Variants in NOTCH3 observed in about 807,000 individuals in gnomAD.
NOTCH3 encodes notch receptor 3.
In NOTCH3, 86 loss-of-function variants were observed where a neutral mutation model predicts 213.3. The observed-to-expected ratio is 0.40, with a 90% CI of 0.34 to 0.48. The LOEUF (loss-of-function observed/expected upper bound fraction) is 0.48, where lower values mean the gene tolerates loss of function less well. NOTCH3 is among the 20% of genes least tolerant of loss of function. NOTCH3 has a pLI of 0.57. For synonymous variants in NOTCH3, 1,354 were observed against 1,355.9 expected, an observed-to-expected ratio of 1.00 and a Z score of 0.03; for missense variants, 2,783 against 3,272.6, an observed-to-expected ratio of 0.85 and a Z score of 3.65.
chr19:15,181,512 G>A (rs2046841157), intron 17 of NOTCH3, 64 bp downstream of exon 17: 7 of 1,384,506 alleles, frequency 5.1e-6, no homozygotes, highest in South Asian at 1.2e-5. Context: ...TCCCCACTTC[G>A]TCCCAGGTCC....
At chr19:15,167,155 T>A in intron 29 of NOTCH3, 94 bp downstream of exon 29, 1 of 1,360,914 alleles carries the variant, frequency 7.3e-7, no homozygotes, top group Non-Finnish European at 1.0e-6. Context: ...GCTTAGAGAC[T>A]CCCCCAGTTC....
intron 2 of NOTCH3, among the ~76,000 whole-genome samples, chr19:15,193,240 AT>A (rs926830773): frequency 6.7e-4 from 97 of 145,336 alleles, no homozygotes; most frequent in Middle Eastern, 3.6e-3. Flanking sequence ...TGCAGATGTA[AT>A]TTTTTTTTTT....
rs1299136100 is a variant in NOTCH3 at position 15,181,583 on chromosome 19, T to C, written c.2785A>G (p.Ser929Gly). 1 of 1,550,472 alleles carries C rather than the reference T, an allele frequency of 6.4e-7. No individual in the cohort carries two copies. The highest frequency in any genetic ancestry group is 1.2e-5 in the South Asian group (1 of 84,032). Residue 929 changes from serine to glycine, a missense_variant, in exon 17 of 33, where the codon AGC (serine) becomes GGC (glycine). Ser to Gly is a moderately conservative substitution (Grantham distance 56). Coordinates refer to ENST00000263388, the MANE Select transcript of NOTCH3 (RefSeq NM_000435.3). ...AGCAGAGGCCCCGCCCACCTGGGGC[T>C]GCAGTCGGGCAGGTCCTGTTCGCAG... Reference protein sequence around the residue: ...FHCEQDLPDCSPSSCFNGGTC... With the variant: ...FHCEQDLPDCGPSSCFNGGTC...
At chr19:15,162,073 C>A (rs868203253) in intron 32 of NOTCH3, among the ~76,000 whole-genome samples, 3 of 145,052 alleles carry the variant, frequency 2.1e-5, no homozygotes, top group Non-Finnish European at 3.0e-5. Context: ...CCTCAGCCTT[C>A]CGGGTTCAAG....
At chr19:15,174,438 G>C (rs867871641) in intron 24 of NOTCH3, 38 bp from the exon 25 acceptor site, 1 of 1,446,428 alleles carries the variant, frequency 6.9e-7, no homozygotes, top group Non-Finnish European at 9.3e-7. Context: ...GGCGGAGTCA[G>C]GGGTCAGAGG....
Position 15,165,551 on chromosome 19 carries a change from G to A in NOTCH3, c.5668-36C>T. ...GAGTGGATGCAGCAGGAGGGGTCAT[G>A]GCAGGAACAGAGGAATCAGGAGCAC... On this transcript the variant is annotated intron_variant, in intron 30 of 32. Transcript: ENST00000263388. This position sits in a 1 kb window ranked among gnomAD's most constrained non-coding sequence, Gnocchi z 4.7. 1.9e-6 allele frequency: 3 copies of A among 1,605,674 alleles called. No individual in the cohort carries two copies. Among genetic ancestry groups the A allele is most frequent in the Non-Finnish European group, 2.5e-6 (3 of 1,179,350 alleles).
Position 15,165,405 on chromosome 19 carries a change from G to A in NOTCH3, c.5778C>T (p.Ile1926=), listed in dbSNP as rs374919430. The A allele has an allele frequency of 1.6e-5, 26 of 1,610,144 alleles. No homozygotes were observed. The highest frequency in any genetic ancestry group is 6.7e-5 in the East Asian group (3 of 44,896). ...LAVEGMVEEL[I]ASHADVNAVD... Reference sequence around the variant, plus strand: ...CAGCATTGACATCAGCATGGCTGGCGATGAGCTCTTCCACCATGCCCTCTA... The same window carrying A: ...CAGCATTGACATCAGCATGGCTGGCAATGAGCTCTTCCACCATGCCCTCTA... Residue 1926 remains isoleucine (I), a synonymous_variant, in exon 31 of 33, where the codon ATC becomes ATT. Transcript: ENST00000263388. This position sits in a 1 kb window ranked among gnomAD's most constrained non-coding sequence, Gnocchi z 4.7.
chr19:15,180,928 C>A (rs1307340851), intron 18 of NOTCH3, 33 bp downstream of exon 18: 8 of 1,583,378 alleles, frequency 5.1e-6, no homozygotes, highest in Non-Finnish European at 6.9e-6. Context: ...CCCAGGCAGG[C>A]TCCTCCCCCA....
At chr19:15,196,989 T>C (rs768734133) in intron 2 of NOTCH3, among the ~76,000 whole-genome samples, 9 of 152,182 alleles carry the variant, frequency 5.9e-5, no homozygotes, top group Non-Finnish European at 1.2e-4. Flanking sequence ...ACAGGTGCAA[T>C]GATGATCAGA....
intron 1 of NOTCH3, 90 bp from the exon 2 acceptor site, chr19:15,197,668 C>A: frequency 8.9e-7 from 1 of 1,125,944 alleles, no homozygotes. Flanking sequence ...CTCCACCAGG[C>A]AACAGCTGCA....
chr19:15,162,385 GTC>G, intron 32 of NOTCH3, 78 bp downstream of exon 32: 1 of 938,022 alleles, frequency 1.1e-6, no homozygotes, highest in Non-Finnish European at 1.8e-6. Context: ...TTTTGAGAGA[GTC>G]TCACTCTGTT....
rs4809028 is a variant in NOTCH3 at position 15,162,420 on chromosome 19, A to G, written c.5913+45T>C. The G allele has an allele frequency of 0.89, 1,199,515 of 1,343,826 alleles. 537,008 individuals are homozygous for G. The highest frequency in any genetic ancestry group is 0.97 in the African/African-American group (67,955 of 69,814). 83.2% of individuals were successfully genotyped at this position (1,343,826 alleles called of 1,614,324 possible). On this transcript the variant is annotated intron_variant, in intron 32 of 32. Coordinates refer to ENST00000263388, the MANE Select transcript of NOTCH3 (RefSeq NM_000435.3). ...GTTGCCCAGGCTGGATTGCAATGGC[A>G]CTGTGCCACTGCTGACACCCAGTGG...
chr19:15,197,441 G>GCGGCCCCCCCCCCCCC, intron 2 of NOTCH3, 59 bp downstream of exon 2: 6 of 768,356 alleles, frequency 7.8e-6, no homozygotes, highest in Non-Finnish European at 1.4e-5. Flanking sequence ...AAGACAAATC[G>GCGGCCCCCCCCCCCCC]CCCCTCCCCC....
At chr19:15,174,021 C>G in intron 25 of NOTCH3, 47 bp downstream of exon 25, 2 of 1,448,500 alleles carry the variant, frequency 1.4e-6, no homozygotes, top group Non-Finnish European at 9.4e-7. Context: ...TCAACAGCAT[C>G]TCTCCTCTCC....
intron 8 of NOTCH3, among the ~76,000 whole-genome samples, chr19:15,188,565 C>T (rs564332872): frequency 6.6e-6 from 1 of 152,226 alleles, no homozygotes; most frequent in East Asian, 1.9e-4. Flanking sequence ...TCCGCAGAGG[C>T]CTTGCCTTCA....
Position 15,180,140 on chromosome 19 carries a change from G to A in NOTCH3, c.3259C>T (p.Pro1087Ser). The A allele has an allele frequency of 6.2e-7, 1 of 1,612,982 alleles. No homozygotes were observed. The highest frequency in any genetic ancestry group is 1.1e-5 in the South Asian group (1 of 91,036). Reference protein sequence around the residue: ...TGSHCEQEVDPCLAQPCQHGG... With the variant: ...TGSHCEQEVDSCLAQPCQHGG... ...TGCTGGCAGGGCTGGGCCAAGCAGG[G>A]GTCCACCTCCTGCTCACAGTGGCTA... The change falls in exon 20 of 33, where the codon CCC (proline) becomes TCC (serine). Residue 1087 changes from proline to serine, a missense_variant. By Grantham distance (74) the Pro-to-Ser change is moderately conservative. Coordinates refer to ENST00000263388, the MANE Select transcript of NOTCH3 (RefSeq NM_000435.3).
At chr19:15,166,992 A>G (rs2046691395) in intron 29 of NOTCH3, among the ~76,000 whole-genome samples, 1 of 152,228 alleles carries the variant, frequency 6.6e-6, no homozygotes, top group Non-Finnish European at 1.5e-5. Context: ...TTGGAGTCAA[A>G]GGGTAGAGAG....
In NOTCH3 at chr19:15,183,384, T is replaced by TTTTG. The variant is rs71168596; in HGVS notation, c.2566+907_2566+910dup. Among the ~76,000 whole-genome samples the TTTTG allele has an allele frequency of 7.4e-3, 1,109 of 150,280 alleles. 3 individuals are homozygous for TTTTG. Among genetic ancestry groups the TTTTG allele is most frequent in the African/African-American group, 0.017 (699 of 40,742 alleles). ...TATTTATCTGTTTGGCAGCACCCCT[T>TTTTG]TTTGTTTGTTTGTTTGTTTGTTTGT... is the stretch of plus-strand genomic sequence containing the variant. On this transcript the variant is annotated intron_variant, in intron 16 of 32. Transcript: ENST00000263388.
chr19:15,184,037 CAAAAAA>C (rs34518539), intron 16 of NOTCH3, among the ~76,000 whole-genome samples: 2 of 27,632 alleles, frequency 7.2e-5, no homozygotes, highest in African/African-American at 2.0e-4. Flanking sequence ...GACTCTGTCT[CAAAAAA>C]AAAAAAAAAA....
Sources: gnomAD v4.1 joint callset for allele counts (sites outside exome capture counted in the v4.1 genomes callset) on GRCh38, gnomAD v4.1.1 for gene constraint, Gnocchi (gnomAD v3.1) non-coding constraint, MANE v1.5 for transcripts, NCBI Gene and HGNC (gene_info 2026-07-23, HGNC 2026-07-21) for gene names.